BUD31: variants seen among roughly 807,000 people sequenced by gnomAD.
BUD31 encodes protein BUD31 homolog.
Under a neutral mutation model 17.9 loss-of-function variants are expected in BUD31, and 9 were observed. That is an observed-to-expected ratio of 0.50 (90% CI 0.30 to 0.88). BUD31 has a LOEUF of 0.88. BUD31 is among the 40% of genes least tolerant of loss of function. The pLI is 0.06. For missense variants in BUD31, 148 were observed against 184.5 expected, an observed-to-expected ratio of 0.80 and a Z score of 1.15; for synonymous variants, 70 against 64.7, an observed-to-expected ratio of 1.08 and a Z score of -0.39.
rs1795567540 is a variant in BUD31 at position 99,417,508 on chromosome 7, C to T, written c.297C>T (p.Asn99=). Reference sequence around the variant, plus strand: ...AATGGAAAAAGCAAGGATATGAGAACTTGTGCTGCCTGCGGTGCATTCAGA... The same window carrying T: ...AATGGAAAAAGCAAGGATATGAGAATTTGTGCTGCCTGCGGTGCATTCAGA... The part of the protein sequence containing the change: ...IAKWKKQGYE[N]LCCLRCIQTR... Residue 99 remains asparagine, a synonymous_variant, in exon 5 of 6, where the codon AAC becomes AAT. Coordinates refer to ENST00000222969, the MANE Select transcript of BUD31 (RefSeq NM_003910.4). The T allele has an allele frequency of 6.2e-7, 1 of 1,611,352 alleles. No homozygotes were observed. The highest frequency in any genetic ancestry group is 1.3e-5 in the African/African-American group (1 of 74,840).
At chr7:99,415,441 T>G (rs1227476849) in intron 3 of BUD31, among the ~76,000 whole-genome samples, 1 of 152,166 alleles carries the variant, frequency 6.6e-6, no homozygotes, top group Admixed American at 6.5e-5. Flanking sequence ...GGATGGAACA[T>G]GAAGGCGGAC....
Position 99,417,444 on chromosome 7 carries a change from GT to G in BUD31, c.234del (p.Cys78Ter). The G allele has an allele frequency of 6.2e-7, 1 of 1,613,928 alleles. No individual in the cohort carries two copies. Among genetic ancestry groups the G allele is most frequent in the East Asian group, 2.2e-5 (1 of 44,886 alleles). The stretch of plus-strand genomic sequence containing the variant: ...TTTTTGACAGAACTCTATGAATATT[GT>G]ATTAAAGAAGGCTATGCAGACAAAA... ...KAISRELYEY[C>X]IKEGYADKNL... On this transcript the variant is annotated frameshift_variant, in exon 5 of 6. Transcript: ENST00000222969. LOFTEE classifies it high-confidence loss of function.
Position 99,417,546 on chromosome 7 carries a change from A to T in BUD31, c.335A>T (p.Asn112Ile). 1 of 1,612,180 alleles carries T rather than the reference A, an allele frequency of 6.2e-7. No individual in the cohort carries two copies. Among genetic ancestry groups the T allele is most frequent in the Non-Finnish European group, 8.5e-7 (1 of 1,178,610 alleles). ...CGGTGCATTCAGACACGGGACACCA[A>T]CTTCGGGACGAACTGCATCTGCCGC... ...CLRCIQTRDT[N>I]FGTNCICRVP... Residue 112 changes from asparagine (N) to isoleucine (I), a missense_variant, in exon 5 of 6, where the codon AAC (asparagine) becomes ATC (isoleucine). Asn to Ile is a moderately radical substitution (Grantham distance 149). Coordinates refer to ENST00000222969, the MANE Select transcript of BUD31 (RefSeq NM_003910.4).
Position 99,419,418 on chromosome 7 carries a change from G to A in BUD31, c.412G>A (p.Gly138Ser). 6.2e-7 allele frequency: 1 copy of A among 1,612,970 alleles called. No individual in the cohort carries two copies. The highest frequency in any genetic ancestry group is 1.1e-5 in the South Asian group (1 of 91,088). Residue 138 changes from glycine (G) to serine (S), a missense_variant, in exon 6 of 6, where the codon GGC becomes AGC. Gly to Ser is a moderately conservative substitution (Grantham distance 56). Transcript: ENST00000222969. ...CCGCATCATCGAGTGCACACACTGT[G>A]GCTGTCGTGGCTGCTCTGGCTGAGG... is the stretch of plus-strand genomic sequence containing the variant. ...VGRIIECTHC[G>S]CRGCSG
chr7:99,419,332 G>T lies in BUD31; in HGVS notation c.385-59G>T. On this transcript the variant is annotated intron_variant, in intron 5 of 5. Transcript: ENST00000222969. ...TTCGTGGGAGGGTTGCCACATATGT[G>T]AGTGTGCAGGGGCGAGCGTGGCGCA... 3 of 1,593,184 alleles carry T rather than the reference G, an allele frequency of 1.9e-6. 1 individual carries two copies. Among genetic ancestry groups the T allele is most frequent in the Middle Eastern group, 3.3e-4 (2 of 6,016 alleles).
At chr7:99,417,683 G>A (rs1340430283) in intron 5 of BUD31, 88 bp downstream of exon 5, 1 of 1,568,584 alleles carries the variant, frequency 6.4e-7, no homozygotes, top group Non-Finnish European at 8.6e-7. Flanking sequence ...ATTTGGTTGG[G>A]CTGGAATGTC....
At chr7:99,413,503 G>C (rs1298403469) in intron 3 of BUD31, among the ~76,000 whole-genome samples, 1 of 152,228 alleles carries the variant, frequency 6.6e-6, no homozygotes, top group African/African-American at 2.4e-5. Context: ...CCCATCTGTG[G>C]GCCTAGAATT....
At chr7:99,410,998 A>G in intron 2 of BUD31, 66 bp from the exon 3 acceptor site, 1 of 1,091,520 alleles carries the variant, frequency 9.2e-7, no homozygotes, top group Non-Finnish European at 1.4e-6. Context: ...GCCTGTACCG[A>G]AATAATGGCT....
intron 3 of BUD31, among the ~76,000 whole-genome samples, chr7:99,415,933 ATAAC>A (rs1291554333): frequency 6.6e-6 from 1 of 151,158 alleles, no homozygotes; most frequent in East Asian, 2.0e-4. Flanking sequence ...TATATCTAGT[ATAAC>A]TATTCTTATT....
intron 3 of BUD31, 93 bp from the exon 4 acceptor site, chr7:99,416,045 T>G (rs1584438493): frequency 6.5e-7 from 1 of 1,545,028 alleles, no homozygotes; most frequent in South Asian, 1.2e-5. Context: ...GGGTATAAAG[T>G]GGTATTTATT....
Position 99,419,452 on chromosome 7 carries a change from C to CTCCAT in BUD31, c.*15_*16insTTCCA, listed in dbSNP as rs758986759. Reference sequence around the variant, plus strand: ...GGCTGCTCTGGCTGAGGCTGGCGCGCTCCACCCTGGACTCTGGACTTCGCA... The same window carrying CTCCAT: ...GGCTGCTCTGGCTGAGGCTGGCGCGCTCCATTCCACCCTGGACTCTGGACTTCGCA... On this transcript the variant is annotated 3_prime_UTR_variant, in exon 6 of 6. Transcript: ENST00000222969. 1.2e-6 allele frequency: 2 copies of CTCCAT among 1,610,444 alleles called. No individual in the cohort carries two copies. Among genetic ancestry groups the CTCCAT allele is most frequent in the South Asian group, 2.2e-5 (2 of 91,086 alleles).
chr7:99,410,631 G>A (rs1466945034), intron 2 of BUD31, among the ~76,000 whole-genome samples: 1 of 152,026 alleles, frequency 6.6e-6, no homozygotes, highest in East Asian at 1.9e-4. Flanking sequence ...TCTCTTGTCT[G>A]TCTCTTTGCT....
chr7:99,416,402 TTTTG>T, intron 4 of BUD31, 142 bp downstream of exon 4: 1 of 1,079,468 alleles, frequency 9.3e-7, no homozygotes, highest in Non-Finnish European at 1.3e-6. Context: ...GTTGGCTGAG[TTTTG>T]TGTGTGTGTT....
At chr7:99,409,941 C>T (rs1795111134) in intron 1 of BUD31, 93 bp from the exon 2 acceptor site, 1 of 152,206 alleles carries the variant, frequency 6.6e-6, no homozygotes, top group Admixed American at 6.5e-5. Flanking sequence ...TGGGATCGGC[C>T]TCTTGTATGG....
intron 3 of BUD31, among the ~76,000 whole-genome samples, chr7:99,413,338 T>C (rs576134007): frequency 6.6e-6 from 1 of 152,236 alleles, no homozygotes; most frequent in Non-Finnish European, 1.5e-5. Context: ...CAAGTATGAG[T>C]GCCACCTGAT....
intron 4 of BUD31, 172 bp from the exon 5 acceptor site, chr7:99,417,257 T>C: frequency 3.4e-6 from 2 of 590,482 alleles, no homozygotes; most frequent in Non-Finnish European, 6.0e-6. Context: ...TTTACCATGT[T>C]GGCCGGGCTG....
rs1795117248 is a variant in BUD31 at position 99,410,109 on chromosome 7, C to G, written c.-90C>G. The G allele has an allele frequency of 1.3e-5, 2 of 152,324 alleles. No homozygotes were observed. The highest frequency in any genetic ancestry group is 4.8e-5 in the African/African-American group (2 of 41,572). 9.4% of individuals were successfully genotyped at this position (152,324 alleles called of 1,614,324 possible). ...TTTAGAGCTGAACAAGAATCCAAGCCTGCAACTGCAGAGACGAGAGATCTT... is the reference window on the plus strand; with the variant it reads ...TTTAGAGCTGAACAAGAATCCAAGCGTGCAACTGCAGAGACGAGAGATCTT... On this transcript the variant is annotated 5_prime_UTR_variant, in exon 2 of 6. Coordinates refer to ENST00000222969, the MANE Select transcript of BUD31 (RefSeq NM_003910.4).
At chr7:99,416,523 G>A (rs1157827338) in intron 4 of BUD31, among the ~76,000 whole-genome samples, 2 of 151,868 alleles carry the variant, frequency 1.3e-5, no homozygotes, top group Non-Finnish European at 2.9e-5. Context: ...GGGTTCAAGC[G>A]ATTCTCCTGT....
chr7:99,417,608 A>G lies in BUD31; in HGVS notation c.384+13A>G. On this transcript the variant is annotated intron_variant, in intron 5 of 5. Coordinates refer to ENST00000222969, the MANE Select transcript of BUD31 (RefSeq NM_003910.4). ...CAAGCTGGAAGTGGTAATGTCTGAC[A>G]CTCAAGCTTGGTGTTGTTTTCAGCT... 1 of 1,609,710 alleles carries G rather than the reference A, an allele frequency of 6.2e-7. No individual in the cohort carries two copies. The highest frequency in any genetic ancestry group is 8.5e-7 in the Non-Finnish European group (1 of 1,179,952).
Sources: gnomAD v4.1 joint callset for allele counts (sites outside exome capture counted in the v4.1 genomes callset) on GRCh38, gnomAD v4.1.1 for gene constraint, MANE v1.5 for transcripts, NCBI Gene and HGNC (gene_info 2026-07-23, HGNC 2026-07-21) for gene names.